The following GPC5 variants were observed in gnomAD, a reference collection of about 807,000 sequenced individuals.
The protein encoded by GPC5 is glypican 5.
GPC5 carries 47 observed loss-of-function variants against 53.9 expected under a neutral mutation model. The ratio of observed to expected loss-of-function variants is 0.87; its 90% confidence interval spans 0.69 to 1.11. GPC5 has a LOEUF of 1.11. GPC5 is among the 50% of genes most tolerant of loss of function. The pLI, the probability that GPC5 is intolerant of heterozygous loss-of-function variation, is 0.00. For synonymous variants in GPC5, 286 were observed against 263.3 expected, an observed-to-expected ratio of 1.09 and a Z score of -0.84; for missense variants, 748 against 713.1, an observed-to-expected ratio of 1.05 and a Z score of -0.56.
intron 7 of GPC5, among the ~76,000 whole-genome samples, chr13:92,371,538 G>A (rs904971546): frequency 3.9e-5 from 6 of 152,258 alleles, no homozygotes; most frequent in South Asian, 4.1e-4. Flanking sequence ...ATTTAGAAAG[G>A]AACGAGGTTT....
At position 92,124,816 on chromosome 13, in the gene GPC5, A is replaced by C. The variant is rs912005211; in HGVS notation, c.1402-20014A>C. Reference sequence around the variant, plus strand: ...ATTTTAAGGAGAGAAAAATAACATAATAGAAGAAAGTAATAATTATCTGTA... The same window carrying C: ...ATTTTAAGGAGAGAAAAATAACATACTAGAAGAAAGTAATAATTATCTGTA... On this transcript the variant is annotated intron_variant, in intron 6 of 7. Coordinates refer to ENST00000377067, the MANE Select transcript of GPC5 (RefSeq NM_004466.6). 1.1e-4 allele frequency among the ~76,000 whole-genome samples: 17 copies of C among 152,302 alleles called. No individual in the cohort carries two copies. In the South Asian group the frequency reaches 1.9e-3, roughly 17 times the overall value.
At chr13:92,731,621 G>A (rs1278987176) in intron 7 of GPC5, among the ~76,000 whole-genome samples, 1 of 151,402 alleles carries the variant, frequency 6.6e-6, no homozygotes, top group Admixed American at 6.6e-5. Flanking sequence ...CTTTGATATA[G>A]CATAGGAAAA....
chr13:91,553,285 T>TTAATTCAGCCACCATTA (rs2030755238), intron 2 of GPC5, among the ~76,000 whole-genome samples: 1 of 152,098 alleles, frequency 6.6e-6, no homozygotes, highest in South Asian at 2.1e-4. Context: ...CTTTCTCATT[T>TTAATTCAGCCACCATTA]CTCAGAAGAG....
intron 7 of GPC5, among the ~76,000 whole-genome samples, chr13:92,482,446 A>C (rs1178353934): frequency 1.3e-5 from 2 of 152,148 alleles, no homozygotes; most frequent in Non-Finnish European, 2.9e-5. Context: ...TATACTACCT[A>C]ACCACTTCTT....
intron 7 of GPC5, among the ~76,000 whole-genome samples, chr13:92,551,227 T>C (rs1882300263): frequency 6.6e-6 from 1 of 151,686 alleles, no homozygotes; most frequent in Non-Finnish European, 1.5e-5. Context: ...TAAGATTTTT[T>C]TGTGTCCCTC....
chr13:92,037,281 T>C (rs182502685), intron 6 of GPC5, among the ~76,000 whole-genome samples: 6 of 152,224 alleles, frequency 3.9e-5, no homozygotes, highest in Non-Finnish European at 7.4e-5. Flanking sequence ...TCCTCCAAAA[T>C]ACCAAGTGTA....
At chr13:91,811,064 A>C (rs2038304648) in intron 5 of GPC5, among the ~76,000 whole-genome samples, 1 of 151,974 alleles carries the variant, frequency 6.6e-6, no homozygotes, top group Admixed American at 6.6e-5. Context: ...CCTTCATTAA[A>C]TTTCAAAATC....
intron 2 of GPC5, among the ~76,000 whole-genome samples, chr13:91,476,445 T>C (rs1188073062): frequency 6.6e-6 from 1 of 152,220 alleles, no homozygotes; most frequent in African/African-American, 2.4e-5. Context: ...TACATGTGGT[T>C]CATGTGAGAC....
chr13:91,492,083 A>G (rs1299696167), intron 2 of GPC5, among the ~76,000 whole-genome samples: 1 of 152,160 alleles, frequency 6.6e-6, no homozygotes, highest in East Asian at 1.9e-4. Context: ...TTAAATTTAT[A>G]TATTCTGCCC....
At chr13:92,194,833 G>C (rs1293408385) in intron 7 of GPC5, among the ~76,000 whole-genome samples, 7 of 152,134 alleles carry the variant, frequency 4.6e-5, no homozygotes, top group Non-Finnish European at 1.0e-4. Context: ...GCCTTTCCTT[G>C]TAATCTAAGG....
intron 7 of GPC5, among the ~76,000 whole-genome samples, chr13:92,543,047 T>C (rs536717171): frequency 6.6e-6 from 1 of 152,162 alleles, no homozygotes; most frequent in South Asian, 2.1e-4. Context: ...GTTTTCAGTA[T>C]TAATTACATT....
intron 7 of GPC5, among the ~76,000 whole-genome samples, chr13:92,534,281 A>G (rs1031287585): frequency 6.6e-6 from 1 of 152,138 alleles, no homozygotes; most frequent in Non-Finnish European, 1.5e-5. Flanking sequence ...CTCTGTCTCC[A>G]ATAAATAGAT....
intron 2 of GPC5, among the ~76,000 whole-genome samples, chr13:91,603,949 G>GTTT (rs542915152): frequency 7.0e-6 from 1 of 141,930 alleles, no homozygotes; most frequent in Non-Finnish European, 1.5e-5. Context: ...GTTCTTACTA[G>GTTT]TTTTTTTTTT....
In GPC5 at chr13:92,740,135, G is replaced by A. The variant is rs537309533; in HGVS notation, c.1562-126147G>A. On this transcript the variant is annotated intron_variant, in intron 7 of 7. Transcript: ENST00000377067. ...AACATGCCAAGCCTCCTCCCTTCTC[G>A]GGGCATTTGCAGTTGGTGTACCCTC... Among the ~76,000 whole-genome samples the A allele has an allele frequency of 1.1e-3, 160 of 151,880 alleles. 1 individual carries two copies. Among genetic ancestry groups the A allele is most frequent in the African/African-American group, 3.5e-3 (147 of 41,448 alleles).
chr13:91,576,214 T>TGCTTGAAATACAATACTAATA (rs1566521378), intron 2 of GPC5, among the ~76,000 whole-genome samples: 11 of 152,088 alleles, frequency 7.2e-5, no homozygotes, highest in African/African-American at 2.4e-4. Context: ...CTAATAGCAA[T>TGCTTGAAATACAATACTAATA]GTATTGTATG....
intron 2 of GPC5, among the ~76,000 whole-genome samples, chr13:91,515,364 G>T (rs1341724499): frequency 1.3e-5 from 2 of 152,012 alleles, no homozygotes; most frequent in Non-Finnish European, 2.9e-5. Context: ...ATTCTTTATG[G>T]CAGGGGCTCA....
intron 5 of GPC5, among the ~76,000 whole-genome samples, chr13:91,791,412 A>G (rs1432490947): frequency 6.6e-6 from 1 of 152,182 alleles, no homozygotes; most frequent in African/African-American, 2.4e-5. Flanking sequence ...TAGCACTCCA[A>G]AATCCTCCAG....
chr13:92,545,908 G>C (rs1246263591), intron 7 of GPC5, among the ~76,000 whole-genome samples: 2 of 152,140 alleles, frequency 1.3e-5, no homozygotes, highest in African/African-American at 2.4e-5. Context: ...TTGCTGTGCA[G>C]AAGCTCTTTA....
At chr13:91,573,720 T>C (rs1014353544) in intron 2 of GPC5, among the ~76,000 whole-genome samples, 1 of 152,168 alleles carries the variant, frequency 6.6e-6, no homozygotes, top group East Asian at 1.9e-4. Context: ...ATTAAAAGCA[T>C]TTTACAGTCT....
Sources: allele counts gnomAD v4.1 joint callset (sites outside exome capture counted in the v4.1 genomes callset), GRCh38; gene constraint gnomAD v4.1.1; transcripts MANE v1.5; gene names NCBI Gene and HGNC (gene_info 2026-07-23, HGNC 2026-07-21).